Variants in LAMA1 observed in about 807,000 individuals in gnomAD.
LAMA1 encodes the protein laminin subunit alpha 1, also known as laminin subunit alpha-1.
Under a neutral mutation model 348.7 loss-of-function variants are expected in LAMA1, and 219 were observed. The ratio of observed to expected loss-of-function variants is 0.63; its 90% CI spans 0.56 to 0.70. LAMA1 has a LOEUF of 0.70. Among genes scored for constraint, LAMA1 ranks in the 30% least tolerant of loss-of-function variants. The pLI is 0.00. For synonymous variants in LAMA1, 1,487 were observed against 1,491.0 expected (o/e 1.00, Z 0.06); for missense variants, 3,744 against 3,888.0 (o/e 0.96, Z 0.99).
rs1238772207 is a variant in LAMA1 at position 6,966,255 on chromosome 18, C to A, written c.6942G>T (p.Gly2314=). 2 of 1,613,736 alleles carry A rather than the reference C, an allele frequency of 1.2e-6. No homozygotes were observed. Among genetic ancestry groups the A allele is most frequent in the Non-Finnish European group, 8.5e-7 (1 of 1,179,916 alleles). Residue 2314 remains glycine (G), a synonymous_variant, in exon 49 of 63, where the codon GGG becomes GGT. Transcript: ENST00000389658. Reference sequence around the variant, plus strand: ...GAAGTGACTTCTCCACGACAGAGTACCCACTCCCGTCAAAATGGAAGGAAG... The same window carrying A: ...GAAGTGACTTCTCCACGACAGAGTAACCACTCCCGTCAAAATGGAAGGAAG... ...EDPSFHFDGS[G]YSVVEKSLPA... is the part of the protein sequence containing the mutation.
chr18:6,966,317 AAATAG>A lies in LAMA1; in HGVS notation c.6900-25_6900-21del. On this transcript the variant is annotated intron_variant, in intron 48 of 62. Coordinates refer to ENST00000389658, the MANE Select transcript of LAMA1 (RefSeq NM_005559.4). The stretch of plus-strand genomic sequence containing the variant: ...TGGGAGCTGCAAAGCAGAAGAGATG[AAATAG>A]AATCCATTCTCAGGAGGGTAGAAAG... The A allele has an allele frequency of 6.2e-7, 1 of 1,610,882 alleles. No homozygotes were observed. Among genetic ancestry groups the A allele is most frequent in the Non-Finnish European group, 8.5e-7 (1 of 1,178,492 alleles).
At position 6,966,207 on chromosome 18, in the gene LAMA1, G is replaced by A; in HGVS notation, c.6990C>T (p.Ile2330=). The A allele has an allele frequency of 2.8e-5, 45 of 1,614,060 alleles. No individual in the cohort carries two copies. Among genetic ancestry groups the A allele is most frequent in the Non-Finnish European group, 3.8e-5 (45 of 1,179,974 alleles). Residue 2330 remains isoleucine, a synonymous_variant, in exon 49 of 63, where the codon ATC becomes ATT. Coordinates refer to ENST00000389658, the MANE Select transcript of LAMA1 (RefSeq NM_005559.4). ...TAGGTGAAAAGGTATTAAAAAGCATGATTATCTGGGTCACGGTAGCCGGAA... is the reference window on the plus strand; with the variant it reads ...TAGGTGAAAAGGTATTAAAAAGCATAATTATCTGGGTCACGGTAGCCGGAA... The part of the protein sequence containing the change: ...KSLPATVTQI[I]MLFNTFSPNG...
intron 51 of LAMA1, among the ~76,000 whole-genome samples, chr18:6,963,441 G>C (rs1403382054): frequency 6.6e-6 from 1 of 152,200 alleles, no homozygotes; most frequent in African/African-American, 2.4e-5. Context: ...GGTTTAAATG[G>C]ATTCAATTCT....
intron 10 of LAMA1, among the ~76,000 whole-genome samples, chr18:7,039,314 A>G (rs1175215990): frequency 6.6e-6 from 1 of 152,208 alleles, no homozygotes; most frequent in East Asian, 1.9e-4. Context: ...AGTATATAAC[A>G]TGTGCCTAAG....
At chr18:7,037,467 C>T (rs1436175080) in intron 12 of LAMA1, 111 bp downstream of exon 12, 1 of 1,214,574 alleles carries the variant, frequency 8.2e-7, no homozygotes, top group Non-Finnish European at 1.2e-6. Flanking sequence ...AAATGCTGTC[C>T]AACACTCAGG....
Position 6,978,390 on chromosome 18 carries a change from G to A in LAMA1, c.6008-12C>T, listed in dbSNP as rs1340206883. On this transcript the variant is annotated splice_polypyrimidine_tract_variant and intron_variant, in intron 42 of 62. Transcript: ENST00000389658. ...CTTGTCTCTTATACCTAAAATAAATGTATATAAAAGCATGCACTTCTGGTG... is the reference window on the plus strand; with the variant it reads ...CTTGTCTCTTATACCTAAAATAAATATATATAAAAGCATGCACTTCTGGTG... The A allele has an allele frequency of 3.7e-6, 6 of 1,611,202 alleles. No homozygotes were observed. The highest frequency in any genetic ancestry group is 5.1e-6 in the Non-Finnish European group (6 of 1,178,338).
chr18:6,948,675 T>C, intron 59 of LAMA1, 119 bp from the exon 60 acceptor site: 2 of 1,173,052 alleles, frequency 1.7e-6, no homozygotes, highest in Non-Finnish European at 2.4e-6. Flanking sequence ...GTAATCTTTT[T>C]GTTTTAAAAC....
At chr18:7,016,006 T>C in intron 21 of LAMA1, 148 bp from the exon 22 acceptor site, 1 of 910,536 alleles carries the variant, frequency 1.1e-6, no homozygotes, top group Non-Finnish European at 1.7e-6. Flanking sequence ...CCCCTCCATG[T>C]CTCATGGAGG....
At chr18:7,034,910 GT>G (rs1225347428) in intron 13 of LAMA1, among the ~76,000 whole-genome samples, 3 of 152,198 alleles carry the variant, frequency 2.0e-5, no homozygotes, top group African/African-American at 7.2e-5. Context: ...CTGAAAGCCT[GT>G]GTACTTCGCT....
intron 3 of LAMA1, among the ~76,000 whole-genome samples, chr18:7,069,800 C>T (rs146569905): frequency 0.012 from 1,862 of 150,814 alleles, 38 homozygotes; most frequent in African/African-American, 0.043. Flanking sequence ...CTGCCCCAAA[C>T]CCCCTCCTCC....
At chr18:7,030,899 G>GA (rs36048483) in intron 16 of LAMA1, among the ~76,000 whole-genome samples, 7 of 145,860 alleles carry the variant, frequency 4.8e-5, no homozygotes, top group African/African-American at 7.7e-5. Flanking sequence ...GAAAGGAGGT[G>GA]AAAAAAAAAG....
intron 1 of LAMA1, among the ~76,000 whole-genome samples, chr18:7,081,500 T>G (rs1470712292): frequency 6.6e-6 from 1 of 152,216 alleles, no homozygotes; most frequent in African/African-American, 2.4e-5. Context: ...TTCAAAATGC[T>G]TTTCAAGTCA....
rs899932812 is a variant in LAMA1 at position 6,978,250 on chromosome 18, C to T, written c.6136G>A (p.Val2046Ile). 1.2e-6 allele frequency: 2 copies of T among 1,614,178 alleles called. No homozygotes were observed. Among genetic ancestry groups the T allele is most frequent in the Non-Finnish European group, 1.7e-6 (2 of 1,180,040 alleles). ...TGTGTCTCTCGTAATGTGGTGTTGA[C>T]CCTGGACAGGCTGGCAGATGTGTTC... The part of the protein sequence containing the change: ...LLNTSASLSR[V>I]NTTLRETHQL... The change falls in exon 43 of 63, where the codon GTC (valine) becomes ATC (isoleucine). Residue 2046 changes from valine (V) to isoleucine (I), a missense_variant. Val to Ile is a conservative substitution (Grantham distance 29). Around this residue, in one of 3 missense-constraint regions of LAMA1, gnomAD observed 1,983 missense variants for 1,934.3 expected, o/e 1.03. Coordinates refer to ENST00000389658, the MANE Select transcript of LAMA1 (RefSeq NM_005559.4).
At chr18:6,956,611 T>C in intron 56 of LAMA1, 25 bp downstream of exon 56, 1 of 1,613,892 alleles carries the variant, frequency 6.2e-7, no homozygotes, top group Non-Finnish European at 8.5e-7. Context: ...TGGACCTGAC[T>C]GATAGTAAAG....
intron 61 of LAMA1, among the ~76,000 whole-genome samples, chr18:6,946,554 C>T (rs2057522449): frequency 6.6e-6 from 1 of 152,028 alleles, no homozygotes; most frequent in African/African-American, 2.4e-5. Flanking sequence ...CTGGTCTCTA[C>T]TAAAAAATAC....
At chr18:7,032,216 A>G (rs2144161382) in intron 15 of LAMA1, 40 bp from the exon 16 acceptor site, 1 of 1,311,890 alleles carries the variant, frequency 7.6e-7, no homozygotes, top group South Asian at 1.2e-5. Context: ...CCACTACGTT[A>G]CAAACAGAAA....
In LAMA1 at chr18:7,003,212, G is replaced by C. The variant is rs887638146; in HGVS notation, c.4261-827C>G. On this transcript the variant is annotated intron_variant, in intron 29 of 62. Transcript: ENST00000389658. ...CAGTTAAATTTTATATCATCCTTTG[G>C]ACCTACGGTCTTGCTATTAAAAAAG... Among the ~76,000 whole-genome samples, 4 of 151,332 alleles carry C rather than the reference G, an allele frequency of 2.6e-5. No individual in the cohort carries two copies. In the East Asian group the frequency reaches 7.8e-4, roughly 30 times the overall value.
At chr18:7,088,423 A>T (rs1251766067) in intron 1 of LAMA1, among the ~76,000 whole-genome samples, 1 of 152,198 alleles carries the variant, frequency 6.6e-6, no homozygotes, top group Admixed American at 6.5e-5. Flanking sequence ...TATGTAAAAA[A>T]TGAGAGGGAG....
chr18:7,066,238 A>T (rs1404227596), intron 3 of LAMA1, among the ~76,000 whole-genome samples: 1 of 152,252 alleles, frequency 6.6e-6, no homozygotes, highest in Non-Finnish European at 1.5e-5. Context: ...CATATTCGTG[A>T]ATGACGTGGA....
Sources: gnomAD v4.1 joint callset for allele counts (sites outside exome capture counted in the v4.1 genomes callset) on GRCh38, gnomAD v4.1.1 for gene constraint, gnomAD v4.1.1 regional missense constraint, MANE v1.5 for transcripts, NCBI Gene and HGNC (gene_info 2026-07-23, HGNC 2026-07-21) for gene names.